The following CD36 variants were observed in gnomAD, a reference collection of about 807,000 sequenced individuals.
CD36 encodes the protein platelet glycoprotein 4.
In CD36, 119 loss-of-function variants were observed where a neutral mutation model predicts 55.2. The ratio of observed to expected loss-of-function variants is 2.15; its 90% CI spans 1.86 to 2.51. CD36 has a LOEUF of 2.51. Among genes scored for constraint, CD36 ranks in the 30% most tolerant of loss-of-function variants. CD36 has a pLI of 0.00. For synonymous variants in CD36, 186 were observed against 193.6 expected (o/e 0.96, Z 0.33); for missense variants, 819 against 555.5 (o/e 1.47, Z -4.77).
At chr7:80,673,905 A>T (rs1797983466) in intron 13 of CD36, 78 bp from the exon 14 acceptor site, 1 of 1,044,720 alleles carries the variant, frequency 9.6e-7, no homozygotes, top group African/African-American at 1.6e-5. Context: ...TGTTAGAAAA[A>T]AGGGTGATAG....
At chr7:80,633,209 G>A (rs1052717602) in intron 1 of CD36, 5 of 151,654 alleles carry the variant, frequency 3.3e-5, no homozygotes, top group Non-Finnish European at 7.4e-5. Context: ...AATTGTTTTT[G>A]CAAGCTGTTC....
At chr7:80,636,391 C>CA, upstream of CD36, among the ~76,000 whole-genome samples, 1 of 151,954 alleles carries the variant, frequency 6.6e-6, no homozygotes, top group Middle Eastern at 3.5e-3. Flanking sequence ...ATACACATGT[C>CA]AAAATGATTC....
At chr7:80,635,727 G>A (rs1224972465), upstream of CD36, among the ~76,000 whole-genome samples, 1 of 152,104 alleles carries the variant, frequency 6.6e-6, no homozygotes, top group Non-Finnish European at 1.5e-5. Flanking sequence ...CTTAGGAAGT[G>A]ATGAATTCCA....
At chr7:80,602,250 T>G (rs1352275927) in exon 1 of CD36, 1 of 152,186 alleles carries the variant, frequency 6.6e-6, no homozygotes, top group Non-Finnish European at 1.5e-5. Flanking sequence ...GTTGAGAGCC[T>G]GTGCCTCATT....
At chr7:80,664,179 C>T (rs1438004912) in intron 6 of CD36, among the ~76,000 whole-genome samples, 3 of 152,082 alleles carry the variant, frequency 2.0e-5, no homozygotes, top group Non-Finnish European at 4.4e-5. Flanking sequence ...TGCTAGAGTT[C>T]ACATCATGTC....
chr7:80,647,768 G>C (rs935667057), intron 3 of CD36, among the ~76,000 whole-genome samples: 1 of 152,140 alleles, frequency 6.6e-6, no homozygotes, highest in Non-Finnish European at 1.5e-5. Context: ...ACTAGACTGT[G>C]TGTTTACTGC....
chr7:80,621,696 C>A (rs1047197355), intron 1 of CD36, among the ~76,000 whole-genome samples: 16 of 152,146 alleles, frequency 1.1e-4, no homozygotes, highest in Non-Finnish European at 2.2e-4. Context: ...AAATTAACTT[C>A]ATACTAGTAA....
chr7:80,620,249 A>G (rs1415040209), intron 1 of CD36, among the ~76,000 whole-genome samples: 1 of 152,052 alleles, frequency 6.6e-6, no homozygotes, highest in Non-Finnish European at 1.5e-5. Context: ...ATCTACATGG[A>G]AATAGTTAGA....
intron 3 of CD36, among the ~76,000 whole-genome samples, chr7:80,647,521 G>A (rs1271492512): frequency 6.6e-6 from 1 of 151,954 alleles, no homozygotes; most frequent in Non-Finnish European, 1.5e-5. Context: ...TGAATAGATG[G>A]GCTTTGCACA....
intron 1 of CD36, among the ~76,000 whole-genome samples, chr7:80,632,151 G>A (rs1259678751): frequency 1.3e-5 from 2 of 151,396 alleles, no homozygotes; most frequent in African/African-American, 2.4e-5. Flanking sequence ...TTGATAGATT[G>A]TTTTATATTC....
intron 3 of CD36, among the ~76,000 whole-genome samples, chr7:80,650,858 T>G (rs1795547851): frequency 6.6e-6 from 1 of 151,954 alleles, no homozygotes; most frequent in African/African-American, 2.4e-5. Context: ...GCTGCAATCT[T>G]TCTTACCAGT....
Position 80,656,529 on chromosome 7 carries a change from C to A in CD36, c.121-11C>A, listed in dbSNP as rs370054679. 5.0e-6 allele frequency: 8 copies of A among 1,612,626 alleles called. No individual in the cohort carries two copies. The African/African-American group carries it at 1.1e-4, about 22-fold the overall frequency. On this transcript the variant is annotated splice_polypyrimidine_tract_variant and intron_variant, in intron 3 of 14. Coordinates refer to ENST00000447544, the MANE Select transcript of CD36 (RefSeq NM_001001548.3). The stretch of plus-strand genomic sequence containing the variant: ...CAAAGACATAACCCAAACTTATTTT[C>A]TTTTTCATAGCAAGTTGTCCTCGAA...
intron 9 of CD36, chr7:80,670,759 TATAA>T (rs1224225837): frequency 1.8e-6 from 1 of 543,700 alleles, no homozygotes; most frequent in Non-Finnish European, 3.3e-6. Context: ...GTAACTTGAG[TATAA>T]ATAAACATGG....
At chr7:80,616,549 A>G (rs963426082) in intron 1 of CD36, among the ~76,000 whole-genome samples, 4 of 152,054 alleles carry the variant, frequency 2.6e-5, no homozygotes, top group Non-Finnish European at 4.4e-5. Flanking sequence ...TCTAGAGGAA[A>G]GTTATTATTT....
intron 7 of CD36, among the ~76,000 whole-genome samples, chr7:80,665,701 T>G (rs1797015339): frequency 6.6e-6 from 1 of 152,108 alleles, no homozygotes; most frequent in Admixed American, 6.6e-5. Context: ...ATTTAACTCA[T>G]GGCAAGACTG....
chr7:80,606,131 CTACTAAGGACTATGACTA>C (rs149153005), intron 1 of CD36, among the ~76,000 whole-genome samples: 49,222 of 152,030 alleles, frequency 0.32, 8,229 homozygotes, highest in South Asian at 0.45. Context: ...TATTCATCTT[CTACTAAGGACTATGACTA>C]AAATTTTAAG....
chr7:80,629,032 TGAC>T (rs1793912766), intron 1 of CD36, among the ~76,000 whole-genome samples: 2 of 152,176 alleles, frequency 1.3e-5, no homozygotes, highest in South Asian at 4.1e-4. Flanking sequence ...GTTCCTAGAT[TGAC>T]TTTTTCTTTT....
chr7:80,660,875 G>C (rs1796460744), intron 4 of CD36, among the ~76,000 whole-genome samples, 188 bp from the exon 5 acceptor site: 2 of 152,108 alleles, frequency 1.3e-5, no homozygotes, highest in African/African-American at 4.8e-5. Flanking sequence ...CAGTTTGCCA[G>C]TTTAAGACCC....
At chr7:80,671,887 A>G in intron 10 of CD36, 35 bp from the exon 11 acceptor site, 5 of 1,596,240 alleles carry the variant, frequency 3.1e-6, no homozygotes, top group Non-Finnish European at 3.4e-6. Flanking sequence ...GAAGGAAGTT[A>G]TTAATTCCAA....
Sources: gnomAD v4.1 joint callset for allele counts (sites outside exome capture counted in the v4.1 genomes callset) on GRCh38, gnomAD v4.1.1 for gene constraint, MANE v1.5 for transcripts, NCBI Gene and HGNC (gene_info 2026-07-23, HGNC 2026-07-21) for gene names.